HECW1: variants seen among roughly 807,000 people sequenced by gnomAD.
HECW1 encodes E3 ubiquitin-protein ligase HECW1.
Under a neutral mutation model 182.3 loss-of-function variants are expected in HECW1, and 61 were observed. The ratio of observed to expected loss-of-function variants is 0.33; its 90% confidence interval spans 0.27 to 0.41. HECW1 has a LOEUF of 0.41. Ranked by LOEUF, HECW1 falls within the 10% of genes least tolerant of loss-of-function variation. The probability of loss-of-function intolerance (pLI) is 1.00; values close to 1 mark genes in which losing one functional copy is unlikely to be tolerated. For synonymous variants in HECW1, 859 were observed against 832.6 expected, an observed-to-expected ratio of 1.03 and a Z score of -0.55; for missense variants, 1,739 against 2,108.9, an observed-to-expected ratio of 0.82 and a Z score of 3.44.
chr7:43,263,163 C>G (rs1460617681), intron 3 of HECW1, among the ~76,000 whole-genome samples: 1 of 152,098 alleles, frequency 6.6e-6, no homozygotes, highest in Non-Finnish European at 1.5e-5. Flanking sequence ...TTATTTTTCT[C>G]AGAGAGGAAA....
At chr7:43,435,795 T>C (rs1416338808) in intron 8 of HECW1, among the ~76,000 whole-genome samples, 1 of 152,226 alleles carries the variant, frequency 6.6e-6, no homozygotes, top group African/African-American at 2.4e-5. Flanking sequence ...TAGCTCATCC[T>C]GACTGCCACA....
intron 3 of HECW1, among the ~76,000 whole-genome samples, chr7:43,255,969 C>A (rs192433211): frequency 2.0e-5 from 3 of 152,172 alleles, no homozygotes; most frequent in Admixed American, 1.3e-4. Context: ...CCAAGAAAAT[C>A]TGACCTAATT....
chr7:43,510,743 C>T (rs1210300480), intron 24 of HECW1, among the ~76,000 whole-genome samples: 2 of 152,096 alleles, frequency 1.3e-5, no homozygotes, highest in Non-Finnish European at 2.9e-5. Flanking sequence ...AAAGAGGAGA[C>T]GGTGGCATAG....
intron 24 of HECW1, among the ~76,000 whole-genome samples, chr7:43,514,923 A>G (rs530112869): frequency 2.0e-5 from 3 of 152,328 alleles, no homozygotes; most frequent in African/African-American, 7.2e-5. Flanking sequence ...CCAGGTAGGA[A>G]TAGGAACCCA....
At chr7:43,385,462 G>A (rs1226023296) in intron 6 of HECW1, among the ~76,000 whole-genome samples, 1 of 151,020 alleles carries the variant, frequency 6.6e-6, no homozygotes, top group Non-Finnish European at 1.5e-5. Flanking sequence ...CCTTAAAGAG[G>A]ACAGATGCCC....
intron 13 of HECW1, among the ~76,000 whole-genome samples, chr7:43,459,256 C>G (rs1396211885): frequency 1.3e-5 from 2 of 152,192 alleles, no homozygotes; most frequent in African/African-American, 2.4e-5. Flanking sequence ...ACTCTTCTTT[C>G]TACCCTTTTC....
chr7:43,550,427 T>A lies in HECW1; in HGVS notation c.4249-18T>A. ...AGCAGAACTGACAAGCATCGCAATA[T>A]TTCTGTTTTCCTACAAGGTCACGGA... On this transcript the variant is annotated intron_variant, in intron 26 of 29. Coordinates refer to ENST00000395891, the MANE Select transcript of HECW1 (RefSeq NM_015052.5). 6.2e-7 allele frequency: 1 copy of A among 1,613,802 alleles called. No homozygotes were observed. Among genetic ancestry groups the A allele is most frequent in the Non-Finnish European group, 8.5e-7 (1 of 1,179,942 alleles).
chr7:43,428,758 G>A (rs1330341152), intron 8 of HECW1, among the ~76,000 whole-genome samples: 1 of 152,080 alleles, frequency 6.6e-6, no homozygotes, highest in Non-Finnish European at 1.5e-5. Flanking sequence ...TCTAAAGTAG[G>A]CACAAGAAGG....
At chr7:43,393,338 C>T (rs947213287) in intron 6 of HECW1, among the ~76,000 whole-genome samples, 1 of 152,200 alleles carries the variant, frequency 6.6e-6, no homozygotes, top group African/African-American at 2.4e-5. Context: ...ACTATTTGGG[C>T]TGAGTCTTCA....
chr7:43,368,458 A>T (rs1816916397), intron 6 of HECW1, among the ~76,000 whole-genome samples: 1 of 152,232 alleles, frequency 6.6e-6, no homozygotes. Context: ...TGATCAGACT[A>T]ATTTCAGGTT....
intron 13 of HECW1, among the ~76,000 whole-genome samples, chr7:43,463,049 C>T (rs553879768): frequency 3.3e-5 from 5 of 152,316 alleles, no homozygotes; most frequent in Admixed American, 2.0e-4. Flanking sequence ...AGAGCCTGCA[C>T]ACATTGGAAG....
At chr7:43,319,949 T>A (rs1809880989) in intron 4 of HECW1, among the ~76,000 whole-genome samples, 1 of 151,986 alleles carries the variant, frequency 6.6e-6, no homozygotes, top group Admixed American at 6.6e-5. Flanking sequence ...CAATCAAACA[T>A]TTATTCCTTT....
At chr7:43,134,488 G>GTCTA (rs1787310964) in intron 2 of HECW1, among the ~76,000 whole-genome samples, 1 of 151,310 alleles carries the variant, frequency 6.6e-6, no homozygotes, top group African/African-American at 2.4e-5. Flanking sequence ...CTATGTTTAA[G>GTCTA]TGTTTTTATG....
chr7:43,262,048 C>T (rs1801232842), intron 3 of HECW1, among the ~76,000 whole-genome samples: 2 of 151,854 alleles, frequency 1.3e-5, no homozygotes, highest in South Asian at 4.2e-4. Context: ...TGGTGAAACC[C>T]CGTCTCTACT....
chr7:43,430,779 T>TTTATTATTATTAGTATTATTATTATTA (rs2076522159), intron 8 of HECW1, among the ~76,000 whole-genome samples: 1 of 141,720 alleles, frequency 7.1e-6, no homozygotes, highest in Non-Finnish European at 1.5e-5. Context: ...TTTATTTTTC[T>TTTATTATTATTAGTATTATTATTATTA]TTATTATTAT....
At chr7:43,297,557 A>T (rs1327709334) in intron 3 of HECW1, among the ~76,000 whole-genome samples, 5 of 152,150 alleles carry the variant, frequency 3.3e-5, no homozygotes, top group Admixed American at 1.3e-4. Context: ...GTTGGCAGGG[A>T]TGTCCAGGCA....
chr7:43,529,265 C>T (rs2080884918), intron 24 of HECW1, among the ~76,000 whole-genome samples: 1 of 152,120 alleles, frequency 6.6e-6, no homozygotes, highest in South Asian at 2.1e-4. Flanking sequence ...CTGGCATGGC[C>T]TCCTTCATCC....
At chr7:43,340,854 GCA>G (rs1395412556) in intron 5 of HECW1, among the ~76,000 whole-genome samples, 2 of 151,654 alleles carry the variant, frequency 1.3e-5, no homozygotes, top group Non-Finnish European at 2.9e-5. Flanking sequence ...AAAGACACAT[GCA>G]CACGTATGTT....
At chr7:43,528,088 T>C (rs892193571) in intron 24 of HECW1, among the ~76,000 whole-genome samples, 2 of 152,234 alleles carry the variant, frequency 1.3e-5, no homozygotes, top group Admixed American at 6.5e-5. Context: ...TAGAGTGAAT[T>C]GTTCAGTCGT....
Sources: allele counts gnomAD v4.1 joint callset (sites outside exome capture counted in the v4.1 genomes callset), GRCh38; gene constraint gnomAD v4.1.1; transcripts MANE v1.5; gene names NCBI Gene and HGNC (gene_info 2026-07-23, HGNC 2026-07-21).